Variants in NRXN1 observed in about 807,000 individuals in gnomAD.
NRXN1 encodes neurexin 1, also known as neurexin-1.
NRXN1 carries 39 observed loss-of-function variants against 150.9 expected under a neutral mutation model. The observed-to-expected ratio is 0.26, with a 90% confidence interval of 0.20 to 0.34. NRXN1 has a LOEUF of 0.34. NRXN1 is among the 10% of genes least tolerant of loss of function. The pLI, the probability that NRXN1 is intolerant of heterozygous loss-of-function variation, is 1.00. For synonymous variants in NRXN1, 924 were observed against 757.0 expected (o/e 1.22, Z -3.62); for missense variants, 1,815 against 1,949.9 (o/e 0.93, Z 1.30).
intron 18 of NRXN1, among the ~76,000 whole-genome samples, chr2:50,174,349 G>C (rs1039031054): frequency 1.6e-4 from 24 of 152,062 alleles, no homozygotes; most frequent in Middle Eastern, 6.8e-3. Flanking sequence ...TCAAATAAGA[G>C]TATTCACCAC....
chr2:50,835,791 C>T (rs534974987), intron 5 of NRXN1, among the ~76,000 whole-genome samples: 1 of 152,300 alleles, frequency 6.6e-6, no homozygotes, highest in East Asian at 1.9e-4. Flanking sequence ...TGATACCTGA[C>T]ACTCTAGCCA....
At chr2:50,760,615 T>C (rs564394536) in intron 5 of NRXN1, among the ~76,000 whole-genome samples, 1 of 151,744 alleles carries the variant, frequency 6.6e-6, no homozygotes, top group East Asian at 2.0e-4. Context: ...CTTCTCTCAT[T>C]CCTATAACCA....
In NRXN1 at chr2:50,885,080, T is replaced by C. The variant is rs186461838; in HGVS notation, c.832+36789A>G. Among the ~76,000 whole-genome samples the C allele has an allele frequency of 3.3e-5, 5 of 151,764 alleles. No homozygotes were observed. The East Asian group carries it at 9.7e-4, about 29-fold the overall frequency. On this transcript the variant is annotated intron_variant, in intron 5 of 22. Transcript: ENST00000401669. ...CTTTCGTTTCAGTATCTAATATTAC[T>C]AAGCAAAGTGAAATTGCCATAAAGC... is the stretch of plus-strand genomic sequence containing the variant.
At chr2:50,108,223 A>G (rs546145401) in intron 18 of NRXN1, among the ~76,000 whole-genome samples, 36 of 152,222 alleles carry the variant, frequency 2.4e-4, no homozygotes, top group African/African-American at 8.7e-4. Flanking sequence ...ACTTCCTTAT[A>G]CAAAAGCCAA....
At chr2:50,719,682 A>T (rs1243301566) in intron 5 of NRXN1, among the ~76,000 whole-genome samples, 1 of 151,988 alleles carries the variant, frequency 6.6e-6, no homozygotes, top group Non-Finnish European at 1.5e-5. Context: ...TCTAAAAAAA[A>T]CAAAAACAAC....
chr2:50,468,519 C>A (rs1022276103), intron 16 of NRXN1, among the ~76,000 whole-genome samples: 6 of 151,336 alleles, frequency 4.0e-5, no homozygotes, highest in African/African-American at 1.2e-4. Context: ...GTAATATTAT[C>A]TTTATTTTAT....
chr2:50,312,893 G>A, intron 17 of NRXN1: 1 of 443,148 alleles, frequency 2.3e-6, no homozygotes, highest in South Asian at 1.6e-5. Flanking sequence ...CACTACATAA[G>A]CAACTTGTTA....
At chr2:50,664,971 G>T (rs1035160320) in intron 5 of NRXN1, among the ~76,000 whole-genome samples, 1 of 151,762 alleles carries the variant, frequency 6.6e-6, no homozygotes, top group East Asian at 1.9e-4. Context: ...TTTCAGAAGA[G>T]AAAAAACAAA....
At chr2:51,004,655 A>G (rs1255806194) in intron 2 of NRXN1, among the ~76,000 whole-genome samples, 6 of 147,926 alleles carry the variant, frequency 4.1e-5, no homozygotes, top group Admixed American at 3.4e-4. Flanking sequence ...AAATAAATAA[A>G]TAAACAAATA....
chr2:50,829,553 G>A (rs867289124), intron 5 of NRXN1: 4 of 1,611,632 alleles, frequency 2.5e-6, no homozygotes, highest in Non-Finnish European at 3.4e-6. Context: ...TCTTAGGAGG[G>A]GTTTTCTTAA....
intron 13 of NRXN1, among the ~76,000 whole-genome samples, chr2:50,500,109 T>TA (rs573194578): frequency 1.2e-3 from 190 of 152,048 alleles, no homozygotes; most frequent in African/African-American, 4.3e-3. Context: ...CAACCAATAG[T>TA]AAAAAAATTC....
intron 22 of NRXN1, among the ~76,000 whole-genome samples, chr2:49,935,879 C>T (rs1239579603): frequency 6.6e-6 from 1 of 152,180 alleles, no homozygotes; most frequent in Admixed American, 6.5e-5. Context: ...TTTTTCTAAA[C>T]CTGTGCTACA....
chr2:50,795,571 C>G (rs1246290030), intron 5 of NRXN1, among the ~76,000 whole-genome samples: 1 of 151,734 alleles, frequency 6.6e-6, no homozygotes, highest in Non-Finnish European at 1.5e-5. Flanking sequence ...CACCCCCTTC[C>G]TCACTCCCCA....
intron 5 of NRXN1, among the ~76,000 whole-genome samples, chr2:50,835,462 C>G (rs943932866): frequency 7.9e-5 from 12 of 152,120 alleles, no homozygotes; most frequent in African/African-American, 2.9e-4. Context: ...TATTGGCTCT[C>G]AAAGGAAGTT....
chr2:51,000,193 T>C (rs1441308038), intron 2 of NRXN1, among the ~76,000 whole-genome samples: 2 of 152,044 alleles, frequency 1.3e-5, no homozygotes, highest in African/African-American at 2.4e-5. Flanking sequence ...TGTTTCTTTG[T>C]TGTGTTTGCT....
chr2:50,642,308 GA>G (rs1440906282), intron 5 of NRXN1, among the ~76,000 whole-genome samples: 1 of 151,884 alleles, frequency 6.6e-6, no homozygotes, highest in African/African-American at 2.4e-5. Flanking sequence ...TTAAAAAGAA[GA>G]AAAAACAATT....
chr2:50,996,931 G>A (rs937820287), intron 2 of NRXN1, among the ~76,000 whole-genome samples: 1 of 152,062 alleles, frequency 6.6e-6, no homozygotes, highest in African/African-American at 2.4e-5. Context: ...GGCTCACACA[G>A]TGGTGGAATC....
At chr2:50,342,739 A>G (rs1024964247) in intron 17 of NRXN1, among the ~76,000 whole-genome samples, 7 of 152,258 alleles carry the variant, frequency 4.6e-5, no homozygotes, top group African/African-American at 1.7e-4. Flanking sequence ...ATCAACCATT[A>G]AACGGCATAG....
At chr2:50,159,000 C>T (rs2059202758) in intron 18 of NRXN1, among the ~76,000 whole-genome samples, 1 of 152,036 alleles carries the variant, frequency 6.6e-6, no homozygotes, top group Admixed American at 6.6e-5. Context: ...CCTAAGTTCA[C>T]TCAAGCAGAA....
Sources: allele counts gnomAD v4.1 joint callset (sites outside exome capture counted in the v4.1 genomes callset), GRCh38; gene constraint gnomAD v4.1.1; transcripts MANE v1.5; gene names NCBI Gene and HGNC (gene_info 2026-07-23, HGNC 2026-07-21).